STAU2: variants seen among roughly 807,000 people sequenced by gnomAD.
The protein encoded by STAU2 is double-stranded RNA-binding protein Staufen homolog 2.
Under a neutral mutation model 65.9 loss-of-function variants are expected in STAU2, and 20 were observed. The observed-to-expected ratio is 0.30, with a 90% CI of 0.21 to 0.44. The LOEUF is 0.44. STAU2 is among the 20% of genes least tolerant of loss of function. The pLI is 1.00. For missense variants in STAU2, 558 were observed against 683.9 expected, an observed-to-expected ratio of 0.82 and a Z score of 2.05; for synonymous variants, 232 against 233.9, an observed-to-expected ratio of 0.99 and a Z score of 0.07.
chr8:73,468,579 A>C (rs549442315), intron 13 of STAU2, among the ~76,000 whole-genome samples: 7 of 152,342 alleles, frequency 4.6e-5, no homozygotes, highest in Admixed American at 2.6e-4. Context: ...TAATATCCAG[A>C]ATCTACAAAG....
intron 5 of STAU2, among the ~76,000 whole-genome samples, chr8:73,682,584 C>T (rs1391197908): frequency 5.3e-5 from 8 of 151,798 alleles, no homozygotes; most frequent in Non-Finnish European, 2.9e-5. Flanking sequence ...CAAGAACAAA[C>T]CAAACCCAGC....
chr8:73,494,247 GC>G (rs1821286920), intron 13 of STAU2, among the ~76,000 whole-genome samples: 1 of 151,676 alleles, frequency 6.6e-6, no homozygotes, highest in Admixed American at 6.6e-5. Flanking sequence ...ACAGATGTCT[GC>G]CTCTTTCTTT....
chr8:73,527,852 C>A lies in STAU2; in HGVS notation c.1530+24160G>T, dbSNP rs576378344. The A allele has an allele frequency of 1.3e-5, 15 of 1,123,410 alleles. No homozygotes were observed. In the African/African-American group the frequency reaches 2.3e-4, roughly 17 times the overall value. 69.6% of individuals were successfully genotyped at this position (1,123,410 alleles called of 1,614,324 possible). A position where few individuals can be genotyped will look rare whatever the true frequency, so the allele number is the denominator to read the frequency against. On this transcript the variant is annotated intron_variant, in intron 13 of 14. Coordinates refer to ENST00000524300, the MANE Select transcript of STAU2 (RefSeq NM_001164380.2). Reference sequence around the variant, plus strand: ...CACTGAACACCATTTTCAGAGGGGACAAGATGCAAATAGGTCCTTTTGCAA... The same window carrying A: ...CACTGAACACCATTTTCAGAGGGGAAAAGATGCAAATAGGTCCTTTTGCAA...
intron 5 of STAU2, among the ~76,000 whole-genome samples, chr8:73,679,190 A>C (rs1306450370): frequency 6.6e-5 from 10 of 152,322 alleles, no homozygotes; most frequent in Admixed American, 4.6e-4. Context: ...TTAATACACT[A>C]TGTCCAAAAT....
At chr8:73,743,991 C>G (rs1328966072) in intron 1 of STAU2, among the ~76,000 whole-genome samples, 2 of 149,696 alleles carry the variant, frequency 1.3e-5, no homozygotes, top group African/African-American at 4.9e-5. Context: ...AGGCTGGTCT[C>G]GAACTCCTGA....
chr8:73,500,232 T>G (rs775361718), intron 13 of STAU2, among the ~76,000 whole-genome samples: 1 of 151,938 alleles, frequency 6.6e-6, no homozygotes, highest in African/African-American at 2.4e-5. Flanking sequence ...CAAAATGGCA[T>G]AGTATTTGCA....
chr8:73,544,220 C>T (rs1040868141), intron 13 of STAU2, among the ~76,000 whole-genome samples: 1 of 152,178 alleles, frequency 6.6e-6, no homozygotes, highest in African/African-American at 2.4e-5. Context: ...GACAACTGTA[C>T]CCTAGATCCA....
intron 5 of STAU2, among the ~76,000 whole-genome samples, chr8:73,684,002 C>T (rs12677119): frequency 0.28 from 42,040 of 152,022 alleles, 6,347 homozygotes; most frequent in East Asian, 0.45. Flanking sequence ...CTTGGATGGG[C>T]AGAATCAATA....
intron 13 of STAU2, among the ~76,000 whole-genome samples, chr8:73,449,663 G>A (rs1449077844): frequency 6.6e-6 from 1 of 152,118 alleles, no homozygotes; most frequent in African/African-American, 2.4e-5. Flanking sequence ...CTGGGGCTGG[G>A]TGGGCAGTGG....
chr8:73,654,664 A>AAAAAAAAAAAAAAACAAAACAC (rs1554556802), intron 6 of STAU2, among the ~76,000 whole-genome samples: 1 of 122,986 alleles, frequency 8.1e-6, no homozygotes, highest in Non-Finnish European at 1.7e-5. Context: ...AAAAAAAAGA[A>AAAAAAAAAAAAAAACAAAACAC]CTCTTTTAAT....
At position 73,585,435 on chromosome 8, in the gene STAU2, G is replaced by A. The variant is rs551993402; in HGVS notation, c.1162-2605C>T. Among the ~76,000 whole-genome samples, 221 of 152,338 alleles carry A rather than the reference G, an allele frequency of 1.5e-3. 1 individual carries two copies. The highest frequency in any genetic ancestry group is 2.8e-3 in the Non-Finnish European group (191 of 68,030). On this transcript the variant is annotated intron_variant, in intron 11 of 14. Coordinates refer to ENST00000524300, the MANE Select transcript of STAU2 (RefSeq NM_001164380.2). ...GCGGAGGTTGCAGTGAGCTGAGATC[G>A]TGCCATTGCACACCAGCCTGGACAA...
chr8:73,532,361 C>T (rs1399406823), intron 13 of STAU2, among the ~76,000 whole-genome samples: 4 of 152,152 alleles, frequency 2.6e-5, no homozygotes, highest in African/African-American at 2.4e-5. Flanking sequence ...TTAAGCCTCC[C>T]CTTTTTAGGC....
chr8:73,671,833 C>G (rs550310410), intron 6 of STAU2, among the ~76,000 whole-genome samples: 1 of 152,216 alleles, frequency 6.6e-6, no homozygotes, highest in Non-Finnish European at 1.5e-5. Context: ...GACCCCCAGC[C>G]TGGCCAACAT....
chr8:73,567,918 C>CA lies in STAU2; in HGVS notation c.1222+14851dup, dbSNP rs1296109474. Among the ~76,000 whole-genome samples the CA allele has an allele frequency of 2.0e-5, 3 of 152,040 alleles. No individual in the cohort carries two copies. In the East Asian group the frequency reaches 5.8e-4, roughly 29 times the overall value. The stretch of plus-strand genomic sequence containing the variant: ...AAATATGGACTCGTCTTTCAATAAG[C>CA]AATTTCATCTTTAAAAACTACTGAA... On this transcript the variant is annotated intron_variant, in intron 12 of 14. Transcript: ENST00000524300.
rs1819999955 is a variant in STAU2, at chr8:73,471,339, ATTTATTTT to A, written c.1531-48645_1531-48638del. Among the ~76,000 whole-genome samples the A allele has an allele frequency of 2.0e-5, 3 of 151,462 alleles. No homozygotes were observed. In the South Asian group the frequency reaches 6.3e-4, roughly 32 times the overall value. ...AGGCACACACTAATATGCCTGGCTA[ATTTATTTT>A]TTTATTTTTATTTTTTTTTTAGTAA... On this transcript the variant is annotated intron_variant, in intron 13 of 14. Transcript: ENST00000524300.
upstream of STAU2, chr8:73,746,933 G>T (rs946227015): frequency 1.1e-6 from 1 of 912,610 alleles, no homozygotes; most frequent in African/African-American, 1.9e-5. Context: ...CTCCCGCCGC[G>T]CCCTCCCGCG....
intron 6 of STAU2, among the ~76,000 whole-genome samples, chr8:73,640,718 A>G (rs1344521333): frequency 1.3e-5 from 2 of 152,220 alleles, no homozygotes; most frequent in African/African-American, 4.8e-5. Context: ...ATAAAAAGAA[A>G]GCTGTGGGCT....
At position 73,439,171 on chromosome 8, in the gene STAU2, C is replaced by A; in HGVS notation, c.1531-16469G>T. ...TAAGTGTAGCATCTGTTAACACCTCCACCCTGGCTGATGCGCAGTTGGGAA... is the reference window on the plus strand; with the variant it reads ...TAAGTGTAGCATCTGTTAACACCTCAACCCTGGCTGATGCGCAGTTGGGAA... On this transcript the variant is annotated intron_variant, in intron 13 of 14. Transcript: ENST00000524300. The A allele has an allele frequency of 1.3e-5, 5 of 385,918 alleles. 1 individual carries two copies. Among genetic ancestry groups the A allele is most frequent in the South Asian group, 7.8e-5 (4 of 51,514 alleles). 23.9% of individuals were successfully genotyped at this position (385,918 alleles called of 1,614,324 possible).
At chr8:73,424,075 C>G (rs1249141626) in intron 13 of STAU2, among the ~76,000 whole-genome samples, 1 of 152,016 alleles carries the variant, frequency 6.6e-6, no homozygotes, top group Non-Finnish European at 1.5e-5. Flanking sequence ...CCACCAGCCC[C>G]CTGGCAACCA....
Sources: gnomAD v4.1 joint callset for allele counts (sites outside exome capture counted in the v4.1 genomes callset) on GRCh38, gnomAD v4.1.1 for gene constraint, MANE v1.5 for transcripts, NCBI Gene and HGNC (gene_info 2026-07-23, HGNC 2026-07-21) for gene names.